The following RCBTB1 variants were observed in gnomAD, a reference collection of about 807,000 sequenced individuals.
RCBTB1 encodes the protein RCC1 and BTB domain-containing protein 1.
RCBTB1 carries 46 observed loss-of-function variants against 62.4 expected under a neutral mutation model. That is an observed-to-expected ratio of 0.74 (90% confidence interval 0.58 to 0.94). The LOEUF (loss-of-function observed/expected upper bound fraction) is 0.94. Among genes scored for constraint, RCBTB1 ranks in the 40% least tolerant of loss-of-function variants. RCBTB1 has a pLI of 0.00. For missense variants in RCBTB1, 565 were observed against 654.9 expected (o/e 0.86, Z 1.50); for synonymous variants, 222 against 245.8 (o/e 0.90, Z 0.91).
intron 10 of RCBTB1, 98 bp from the exon 11 acceptor site, chr13:49,541,925 G>C: frequency 7.3e-7 from 1 of 1,370,858 alleles, no homozygotes. Context: ...ATAAACAGAA[G>C]TATCCTTGGG....
At chr13:49,548,865 A>ACACCTGTAATCCCAGCAC in intron 9 of RCBTB1, among the ~76,000 whole-genome samples, 1 of 92,878 alleles carries the variant, frequency 1.1e-5, no homozygotes, top group East Asian at 3.4e-4. Context: ...ACAATTTAGA[A>ACACCTGTAATCCCAGCAC]TTTGACATAA....
In RCBTB1 at chr13:49,555,540, G is replaced by A; in HGVS notation, c.578C>T (p.Ser193Phe). ...VVGIACGQTS[S>F]MAVLDNGEVY... Reference sequence around the variant, plus strand: ...CTCGCCATTGTCCAGAACAGCCATGGATGAAGTCTGACCACAGGCAATGCC... The same window carrying A: ...CTCGCCATTGTCCAGAACAGCCATGAATGAAGTCTGACCACAGGCAATGCC... Residue 193 changes from serine to phenylalanine, a missense_variant, in exon 6 of 13, where the codon TCC becomes TTC. Transcript: ENST00000378302. The A allele has an allele frequency of 6.2e-7, 1 of 1,614,004 alleles. No individual in the cohort carries two copies. The highest frequency in any genetic ancestry group is 8.5e-7 in the Non-Finnish European group (1 of 1,179,868).
chr13:49,558,695 CAA>C (rs1186659232), intron 5 of RCBTB1, among the ~76,000 whole-genome samples: 10 of 59,360 alleles, frequency 1.7e-4, no homozygotes, highest in Admixed American at 3.6e-4. Context: ...ACTCTGTCTC[CAA>C]AAAAAAAAAA....
At chr13:49,540,761 T>C (rs1960279847) in intron 12 of RCBTB1, 115 bp downstream of exon 12, 1 of 1,122,146 alleles carries the variant, frequency 8.9e-7, no homozygotes, top group Non-Finnish European at 1.3e-6. Flanking sequence ...GGTTCACTGA[T>C]TCCCTAAACA....
rs1429272090 is a variant in RCBTB1 at position 49,549,477 on chromosome 13, C to A, written c.1026G>T (p.Ser342=). 6.2e-7 allele frequency: 1 copy of A among 1,610,938 alleles called. No homozygotes were observed. The highest frequency in any genetic ancestry group is 1.7e-5 in the Admixed American group (1 of 59,892). ...VFACFATPAV[S]WRLLSVEHED... ...TCTTACCCACAGACAGGAGGCGCCA[C>A]GAGACGGCGGGAGTGGCAAAGCAGG... is the stretch of plus-strand genomic sequence containing the variant. The change falls in exon 9 of 13, where the codon TCG becomes TCT. Residue 342 remains serine (S), a synonymous_variant. Transcript: ENST00000378302.
intron 2 of RCBTB1, among the ~76,000 whole-genome samples, chr13:49,571,611 C>T (rs1963405630): frequency 6.6e-6 from 1 of 152,206 alleles, no homozygotes; most frequent in Non-Finnish European, 1.5e-5. Flanking sequence ...AGAACATGAA[C>T]TGGCATCCTT....
chr13:49,563,455 G>C (rs1962633604), intron 4 of RCBTB1, among the ~76,000 whole-genome samples: 1 of 151,790 alleles, frequency 6.6e-6, no homozygotes, highest in South Asian at 2.1e-4. Context: ...CTGAGGTCGG[G>C]AGTTCAAGAT....
At chr13:49,551,303 A>C (rs1054907940) in intron 8 of RCBTB1, 23 bp downstream of exon 8, 12 of 1,612,370 alleles carry the variant, frequency 7.4e-6, no homozygotes, top group African/African-American at 1.3e-5. Flanking sequence ...ACACAGTCCC[A>C]AGACGTGGCA....
At chr13:49,578,638 A>G (rs1963923766) in intron 2 of RCBTB1, among the ~76,000 whole-genome samples, 1 of 152,234 alleles carries the variant, frequency 6.6e-6, no homozygotes, top group Admixed American at 6.5e-5. Flanking sequence ...TTAATATGTC[A>G]AATAGGAAAT....
intron 2 of RCBTB1, among the ~76,000 whole-genome samples, chr13:49,567,841 C>A (rs1295609604): frequency 6.6e-6 from 1 of 152,222 alleles, no homozygotes; most frequent in Non-Finnish European, 1.5e-5. Flanking sequence ...TCAGGCTATT[C>A]ATTGTCACTG....
intron 4 of RCBTB1, among the ~76,000 whole-genome samples, chr13:49,566,265 TAA>T (rs1962998727): frequency 1.1e-5 from 1 of 88,378 alleles, no homozygotes; most frequent in East Asian, 3.5e-4. Context: ...AATAAAAAAA[TAA>T]AATAAAATAA....
chr13:49,555,595 T>C lies in RCBTB1; in HGVS notation c.523A>G (p.Thr175Ala), dbSNP rs753135717. The C allele has an allele frequency of 3.1e-6, 5 of 1,613,688 alleles. No individual in the cohort carries two copies. Among genetic ancestry groups the C allele is most frequent in the Admixed American group, 1.7e-5 (1 of 59,970 alleles). Residue 175 changes from threonine to alanine, a missense_variant, in exon 6 of 13, where the codon ACA (threonine) becomes GCA (alanine). Thr to Ala is a moderately conservative substitution (Grantham distance 58, BLOSUM62 0). Transcript: ENST00000378302. ...TANQPTPRKVTNCLHIKRVVG... is the reference protein window; with the variant it reads ...TANQPTPRKVANCLHIKRVVG... Reference sequence around the variant, plus strand: ...ACCCTCTTAATATGTAAACAGTTTGTAACTTTTCGAGGAGTTGGTTGATTT... The same window carrying C: ...ACCCTCTTAATATGTAAACAGTTTGCAACTTTTCGAGGAGTTGGTTGATTT...
At chr13:49,541,117 G>T in intron 11 of RCBTB1, 111 bp from the exon 12 acceptor site, 3 of 839,978 alleles carry the variant, frequency 3.6e-6, no homozygotes, top group East Asian at 2.9e-5. Context: ...TTTCTTAGTG[G>T]ATAAGATTCT....
chr13:49,581,717 AC>A (rs1297468214), intron 1 of RCBTB1, among the ~76,000 whole-genome samples: 1 of 152,186 alleles, frequency 6.6e-6, no homozygotes, highest in Non-Finnish European at 1.5e-5. Flanking sequence ...CAGGAGGAAA[AC>A]CAGGAGACAG....
intron 4 of RCBTB1, among the ~76,000 whole-genome samples, chr13:49,565,808 T>G (rs1292518166): frequency 3.0e-4 from 45 of 152,224 alleles, no homozygotes; most frequent in African/African-American, 8.4e-4. Flanking sequence ...CGATGGCGGT[T>G]TCGTCGAATA....
At chr13:49,585,344 G>A (rs1009336512) in intron 1 of RCBTB1, 100 bp downstream of exon 1, 1 of 152,206 alleles carries the variant, frequency 6.6e-6, no homozygotes, top group Non-Finnish European at 1.5e-5. Flanking sequence ...AGGTACAGGA[G>A]TAACGGGGCA....
intron 10 of RCBTB1, 40 bp from the exon 11 acceptor site, chr13:49,541,867 A>C (rs1416270276): frequency 6.4e-7 from 1 of 1,554,052 alleles, no homozygotes; most frequent in African/African-American, 1.4e-5. Flanking sequence ...TTCAGCAGCA[A>C]TTTTTAAAAA....
intron 4 of RCBTB1, 44 bp downstream of exon 4, chr13:49,566,573 GT>G (rs1566257137): frequency 1.3e-6 from 2 of 1,584,236 alleles, no homozygotes; most frequent in South Asian, 2.3e-5. Context: ...GAATTAACCG[GT>G]CAATTTCTTA....
chr13:49,575,617 C>T (rs1963724225), intron 2 of RCBTB1, among the ~76,000 whole-genome samples: 2 of 152,128 alleles, frequency 1.3e-5, no homozygotes, highest in South Asian at 4.1e-4. Context: ...AGGCCATTAT[C>T]CTATGTGAAT....
Sources: allele counts gnomAD v4.1 joint callset (sites outside exome capture counted in the v4.1 genomes callset), GRCh38; gene constraint gnomAD v4.1.1; transcripts MANE v1.5; gene names NCBI Gene and HGNC (gene_info 2026-07-23, HGNC 2026-07-21).